The following MYO16 variants were observed in gnomAD, a reference collection of about 807,000 sequenced individuals.
MYO16 encodes unconventional myosin-XVI.
A neutral mutation model predicts 205.3 loss-of-function variants in MYO16; 94 were observed. The observed-to-expected ratio is 0.46, with a 90% CI of 0.39 to 0.54. MYO16 has a LOEUF of 0.54. MYO16 is among the 20% of genes least tolerant of loss of function. The pLI is 0.00. For missense variants in MYO16, 2,315 were observed against 2,387.5 expected (o/e 0.97, Z 0.63); for synonymous variants, 988 against 954.0 (o/e 1.04, Z -0.66).
At chr13:108,532,768 A>T in the MYO16 span, among the ~76,000 whole-genome samples, 1 of 152,082 alleles carries the variant, frequency 6.6e-6, no homozygotes, top group Admixed American at 6.5e-5. Flanking sequence ...TCCAGACTGG[A>T]TGATAGAGCA....
intron 4 of MYO16, among the ~76,000 whole-genome samples, chr13:108,763,566 C>A (rs17481980): frequency 0.076 from 11,526 of 152,190 alleles, 601 homozygotes; most frequent in Non-Finnish European, 0.12. Flanking sequence ...TATTTTAATA[C>A]AGATGTTAAA....
chr13:109,099,059 T>C (rs982724679), intron 27 of MYO16, among the ~76,000 whole-genome samples: 7 of 152,182 alleles, frequency 4.6e-5, no homozygotes, highest in African/African-American at 1.2e-4. Context: ...CTGCTCTCAG[T>C]TGGTCATTGT....
In MYO16 at chr13:109,141,827, T is replaced by C. The variant is rs1281355000; in HGVS notation, c.5164+451T>C. ...GGTTTGCCATCCATCTAGCTTTGCC[T>C]GGCGGTGTCTGGGATGTTGACCTAG... On this transcript the variant is annotated intron_variant, in intron 32 of 34. Transcript: ENST00000457511. This position sits in a 1 kb window ranked among gnomAD's most constrained non-coding sequence, Gnocchi z 4.1. 6.6e-6 allele frequency among the ~76,000 whole-genome samples: 1 copy of C among 152,220 alleles called. No homozygotes were observed. Among genetic ancestry groups the C allele is most frequent in the East Asian group, 1.9e-4 (1 of 5,198 alleles).
At position 108,844,345 on chromosome 13, in the gene MYO16, G is replaced by C; in HGVS notation, c.1100G>C (p.Ser367Thr). Residue 367 changes from serine to threonine, a missense_variant and splice_region_variant, in exon 10 of 35, where the codon AGT becomes ACT. This residue lies in a region of MYO16 where 1,213 missense variants were observed against 1,274.4 expected (regional missense o/e 0.95). Coordinates refer to ENST00000457511, the MANE Select transcript of MYO16 (RefSeq NM_001198950.3). ...HDLPVLSSKL[S>T]PLVLPIAKQD... Reference sequence around the variant, plus strand: ...AGTATTGATTTTTTTTCCTGTAGCAGTCCCCTGGTGTTACCAATTGCCAAG... The same window carrying C: ...AGTATTGATTTTTTTTCCTGTAGCACTCCCCTGGTGTTACCAATTGCCAAG... 6.2e-7 allele frequency: 1 copy of C among 1,604,440 alleles called. No homozygotes were observed. The highest frequency in any genetic ancestry group is 8.5e-7 in the Non-Finnish European group (1 of 1,174,932).
chr13:108,773,096 G>A (rs968383541), intron 4 of MYO16, among the ~76,000 whole-genome samples: 5 of 152,086 alleles, frequency 3.3e-5, no homozygotes, highest in Non-Finnish European at 5.9e-5. Flanking sequence ...GGTAGAAAAG[G>A]CGAGGGAGCC....
At chr13:109,061,888 G>T (rs929827408) in intron 27 of MYO16, among the ~76,000 whole-genome samples, 8 of 152,120 alleles carry the variant, frequency 5.3e-5, no homozygotes, top group Non-Finnish European at 8.8e-5. Context: ...ATAGAAAAGT[G>T]CATTTAGTGT....
intron 27 of MYO16, among the ~76,000 whole-genome samples, chr13:109,075,196 G>T (rs188355061): frequency 6.6e-6 from 1 of 152,152 alleles, no homozygotes; most frequent in South Asian, 2.1e-4. Context: ...CTTTTTGAGG[G>T]AGTGGGAAAA....
chr13:108,710,426 A>G (rs1372860300), intron 2 of MYO16, among the ~76,000 whole-genome samples: 1 of 152,204 alleles, frequency 6.6e-6, no homozygotes, highest in Non-Finnish European at 1.5e-5. Flanking sequence ...CTTAAATTCA[A>G]CATTTAGTAA....
chr13:109,185,910 T>C (rs1396331013), intron 34 of MYO16, among the ~76,000 whole-genome samples: 19 of 152,244 alleles, frequency 1.2e-4, no homozygotes, highest in Non-Finnish European at 1.0e-4. Flanking sequence ...TTCTACAGAT[T>C]ATTCTGCAAA....
chr13:108,612,469 G>T (rs1879211315), intron 1 of MYO16, among the ~76,000 whole-genome samples: 1 of 152,066 alleles, frequency 6.6e-6, no homozygotes, highest in Admixed American at 6.6e-5. Context: ...TGACAGAAAT[G>T]CCTTCAGGTT....
intron 1 of MYO16, among the ~76,000 whole-genome samples, chr13:108,602,120 A>C (rs1355348827): frequency 7.2e-6 from 1 of 138,640 alleles, no homozygotes; most frequent in African/African-American, 2.7e-5. Context: ...AAAAAAAAAA[A>C]AACAGCCCAG....
intron 31 of MYO16, among the ~76,000 whole-genome samples, chr13:109,139,522 G>A (rs1269038662): frequency 6.6e-6 from 1 of 152,158 alleles, no homozygotes; most frequent in Non-Finnish European, 1.5e-5. Context: ...TGGTGTAGCA[G>A]GACCAGCCAC....
chr13:109,149,836 C>T (rs760688591), intron 32 of MYO16, among the ~76,000 whole-genome samples: 1 of 152,204 alleles, frequency 6.6e-6, no homozygotes, highest in Admixed American at 6.5e-5. Flanking sequence ...TTATTCCTCA[C>T]ATCCAAAACT....
At chr13:108,927,689 C>A (rs924394878) in intron 16 of MYO16, among the ~76,000 whole-genome samples, 2 of 152,232 alleles carry the variant, frequency 1.3e-5, no homozygotes, top group African/African-American at 4.8e-5. Flanking sequence ...GCCAAGCGGA[C>A]GGACAGACAT....
intron 28 of MYO16, among the ~76,000 whole-genome samples, chr13:109,111,442 TC>T (rs1889280166): frequency 6.6e-6 from 1 of 152,194 alleles, no homozygotes; most frequent in Non-Finnish European, 1.5e-5. Flanking sequence ...AGGGCATTTT[TC>T]CAGAATACTG....
At chr13:108,776,307 C>G (rs1212668074) in intron 4 of MYO16, among the ~76,000 whole-genome samples, 1 of 152,074 alleles carries the variant, frequency 6.6e-6, no homozygotes, top group African/African-American at 2.4e-5. Flanking sequence ...GCATGGGAAA[C>G]TAAGGCATAG....
chr13:108,988,778 A>T (rs1884723791), intron 20 of MYO16, among the ~76,000 whole-genome samples: 1 of 152,154 alleles, frequency 6.6e-6, no homozygotes, highest in Non-Finnish European at 1.5e-5. Flanking sequence ...GCCAAGGTCA[A>T]CTGGGAAGCA....
At chr13:108,755,626 G>A (rs9587668) in intron 4 of MYO16, among the ~76,000 whole-genome samples, 31,754 of 150,800 alleles carry the variant, frequency 0.21, 3,653 homozygotes, top group African/African-American at 0.26. Flanking sequence ...TTGGTGTTTC[G>A]TTCAAATGTA....
At chr13:108,618,683 G>A (rs1879434366) in intron 1 of MYO16, among the ~76,000 whole-genome samples, 1 of 152,158 alleles carries the variant, frequency 6.6e-6, no homozygotes, top group Non-Finnish European at 1.5e-5. Context: ...AAGTACAGTA[G>A]CCTGTCAGTC....
Sources: allele counts gnomAD v4.1 joint callset (sites outside exome capture counted in the v4.1 genomes callset), GRCh38; gene constraint gnomAD v4.1.1; regional missense constraint gnomAD v4.1.1; non-coding constraint Gnocchi (gnomAD v3.1); transcripts MANE v1.5; gene names NCBI Gene and HGNC (gene_info 2026-07-23, HGNC 2026-07-21).